Variants in CAMTA1 observed in about 807,000 individuals in gnomAD.
CAMTA1 encodes calmodulin binding transcription activator 1.
A neutral mutation model predicts 170.9 loss-of-function variants in CAMTA1; 27 were observed. The observed-to-expected ratio is 0.16, with a 90% CI of 0.12 to 0.22. The LOEUF is 0.22. Ranked by LOEUF, CAMTA1 falls within the 10% of genes least tolerant of loss-of-function variation. The pLI, the probability that CAMTA1 is intolerant of heterozygous loss-of-function variation, is 1.00. For synonymous variants in CAMTA1, 833 were observed against 891.5 expected (o/e 0.93, Z 1.17); for missense variants, 1,619 against 2,217.2 (o/e 0.73, Z 5.42).
chr1:7,046,954 C>A (rs1447221321), intron 3 of CAMTA1, among the ~76,000 whole-genome samples: 1 of 152,208 alleles, frequency 6.6e-6, no homozygotes, highest in Non-Finnish European at 1.5e-5. Flanking sequence ...TCTGTTTTTC[C>A]TCCTGGGTGC....
chr1:7,705,695 G>T (rs2149580084), intron 11 of CAMTA1, among the ~76,000 whole-genome samples: 1 of 152,298 alleles, frequency 6.6e-6, no homozygotes, highest in South Asian at 2.1e-4. Flanking sequence ...GAGGCGAGGT[G>T]CGGGCACAGC....
intron 10 of CAMTA1, among the ~76,000 whole-genome samples, chr1:7,672,334 C>T (rs1438711733): frequency 1.3e-5 from 2 of 152,184 alleles, no homozygotes; most frequent in Non-Finnish European, 2.9e-5. Flanking sequence ...GCCACCACCA[C>T]CCCACCCTTG....
intron 6 of CAMTA1, among the ~76,000 whole-genome samples, chr1:7,489,297 A>C (rs2093667524): frequency 6.6e-6 from 1 of 152,236 alleles, no homozygotes; most frequent in South Asian, 2.1e-4. Context: ...GACCTTCCAG[A>C]AGAGCTCAAA....
intron 1 of CAMTA1, among the ~76,000 whole-genome samples, chr1:6,802,132 A>G (rs191687094): frequency 6.6e-5 from 10 of 152,326 alleles, no homozygotes; most frequent in Non-Finnish European, 1.5e-4. Flanking sequence ...CAGAAACTGA[A>G]GTGCAGCTGG....
intron 1 of CAMTA1, among the ~76,000 whole-genome samples, chr1:6,812,663 TA>T (rs1183798308): frequency 6.6e-6 from 1 of 152,196 alleles, no homozygotes; most frequent in African/African-American, 2.4e-5. Context: ...CAAGCCAAAT[TA>T]AATTTATGAA....
At chr1:7,142,328 C>T (rs536743425) in intron 4 of CAMTA1, among the ~76,000 whole-genome samples, 3 of 152,298 alleles carry the variant, frequency 2.0e-5, no homozygotes, top group Admixed American at 6.5e-5. Flanking sequence ...TTCCTCTGTG[C>T]TGGAACCCAG....
chr1:7,566,627 A>G (rs1407187148), intron 6 of CAMTA1, among the ~76,000 whole-genome samples: 1 of 152,058 alleles, frequency 6.6e-6, no homozygotes, highest in Non-Finnish European at 1.5e-5. Flanking sequence ...CCGATGTGAC[A>G]CCCAGACCTC....
rs1387599761 is a variant in CAMTA1, at chr1:7,680,894, A to T, written c.2914+3161A>T. 1.5e-5 allele frequency among the ~76,000 whole-genome samples: 2 copies of T among 131,580 alleles called. No homozygotes were observed. Among genetic ancestry groups the T allele is most frequent in the African/African-American group, 5.4e-5 (2 of 36,866 alleles). The allele number at this position is 131,580 out of a possible 152,430, so 86.3% of individuals were successfully genotyped here. On this transcript the variant is annotated intron_variant, in intron 11 of 22. Coordinates refer to ENST00000303635, the MANE Select transcript of CAMTA1 (RefSeq NM_015215.4). The surrounding 1 kb of genome is among the most constrained non-coding windows in gnomAD (Gnocchi z 4.4). The stretch of plus-strand genomic sequence containing the variant: ...AGCAGCAGCAGCAGCTGCTGCGGCG[A>T]AGTCTTTGTCCCCGCGGCGCAGCCT...
At chr1:7,197,097 C>T (rs1046947667) in intron 4 of CAMTA1, among the ~76,000 whole-genome samples, 2 of 152,166 alleles carry the variant, frequency 1.3e-5, no homozygotes, top group Non-Finnish European at 2.9e-5. Flanking sequence ...CATCTGGCAT[C>T]GTGCCATGTG....
At chr1:7,751,636 C>A (rs1264370538) in intron 20 of CAMTA1, among the ~76,000 whole-genome samples, 1 of 151,944 alleles carries the variant, frequency 6.6e-6, no homozygotes, top group African/African-American at 2.4e-5. Context: ...CCCAATTTTA[C>A]CTTATATCAG....
intron 4 of CAMTA1, among the ~76,000 whole-genome samples, chr1:7,231,588 G>A (rs1662848132): frequency 6.6e-6 from 1 of 152,112 alleles, no homozygotes; most frequent in Non-Finnish European, 1.5e-5. Flanking sequence ...GGTCAGGCTG[G>A]TCTTGAACTT....
chr1:6,963,418 G>A (rs1365479399), intron 3 of CAMTA1, among the ~76,000 whole-genome samples: 1 of 151,622 alleles, frequency 6.6e-6, no homozygotes, highest in Admixed American at 6.6e-5. Flanking sequence ...TGGCCTTCAA[G>A]CTCCCGCCTG....
chr1:6,812,114 A>G (rs1165083909), intron 1 of CAMTA1, among the ~76,000 whole-genome samples: 1 of 152,172 alleles, frequency 6.6e-6, no homozygotes, highest in Non-Finnish European at 1.5e-5. Flanking sequence ...CGTTTGCCTT[A>G]GCTTTCTCTC....
chr1:7,254,526 G>A (rs1180180101), intron 5 of CAMTA1, among the ~76,000 whole-genome samples: 1 of 152,196 alleles, frequency 6.6e-6, no homozygotes. Flanking sequence ...TGTAAACAAC[G>A]AAGAGTTTCT....
At chr1:6,947,547 A>T (rs1365791013) in intron 3 of CAMTA1, among the ~76,000 whole-genome samples, 3 of 143,568 alleles carry the variant, frequency 2.1e-5, no homozygotes, top group African/African-American at 5.1e-5. Context: ...TGCCTGACTA[A>T]TTTTTTTTTT....
At chr1:7,666,526 G>T (rs1412619860) in intron 9 of CAMTA1, among the ~76,000 whole-genome samples, 2 of 152,226 alleles carry the variant, frequency 1.3e-5, no homozygotes, top group African/African-American at 2.4e-5. Flanking sequence ...AATAGCACAG[G>T]AAGGGGACAG....
chr1:7,329,907 C>T (rs1254559937), intron 5 of CAMTA1, among the ~76,000 whole-genome samples: 1 of 152,106 alleles, frequency 6.6e-6, no homozygotes, highest in Non-Finnish European at 1.5e-5. Flanking sequence ...ACACATGATA[C>T]AAAAAGATAT....
At chr1:7,363,099 A>C (rs762674773) in intron 5 of CAMTA1, among the ~76,000 whole-genome samples, 1 of 152,232 alleles carries the variant, frequency 6.6e-6, no homozygotes, top group Non-Finnish European at 1.5e-5. Flanking sequence ...ACATGATACC[A>C]AGTTTGAAAC....
At chr1:6,975,027 A>G (rs909780811) in intron 3 of CAMTA1, among the ~76,000 whole-genome samples, 2 of 152,244 alleles carry the variant, frequency 1.3e-5, no homozygotes, top group East Asian at 3.9e-4. Flanking sequence ...TTAAATTATC[A>G]ATAAATCACC....
Sources: gnomAD v4.1 joint callset for allele counts (sites outside exome capture counted in the v4.1 genomes callset) on GRCh38, gnomAD v4.1.1 for gene constraint, Gnocchi (gnomAD v3.1) non-coding constraint, MANE v1.5 for transcripts, NCBI Gene and HGNC (gene_info 2026-07-23, HGNC 2026-07-21) for gene names.